The following RYR3 variants were observed in gnomAD, a reference collection of about 807,000 sequenced individuals.
RYR3 encodes ryanodine receptor 3, also known as brain ryanodine receptor-calcium release channel.
A neutral mutation model predicts 584.3 loss-of-function variants in RYR3; 207 were observed. The ratio of observed to expected loss-of-function variants is 0.35; its 90% CI spans 0.32 to 0.40. The LOEUF (loss-of-function observed/expected upper bound fraction) is 0.40. Among genes scored for constraint, RYR3 ranks in the 10% least tolerant of loss-of-function variants. The pLI, the probability that RYR3 is intolerant of heterozygous loss-of-function variation, is 1.00. For missense variants in RYR3, 5,616 were observed against 6,089.2 expected (o/e 0.92, Z 2.59); for synonymous variants, 2,416 against 2,248.5 (o/e 1.07, Z -2.11).
At chr15:33,490,804 A>G (rs2142500450) in intron 2 of RYR3, among the ~76,000 whole-genome samples, 1 of 151,110 alleles carries the variant, frequency 6.6e-6, no homozygotes, top group South Asian at 2.1e-4. Flanking sequence ...GAGAATTTTT[A>G]CAACCTTCTC....
Position 33,647,468 on chromosome 15 carries a change from A to C in RYR3, c.3978+8A>C. On this transcript the variant is annotated splice_region_variant and intron_variant, in intron 30 of 103. Coordinates refer to ENST00000634891, the MANE Select transcript of RYR3 (RefSeq NM_001036.6). ...CTCTCTCATACAACAACAGTAAGTAAATGTGCTCAATTATGGTTTTAATTA... is the reference window on the plus strand; with the variant it reads ...CTCTCTCATACAACAACAGTAAGTACATGTGCTCAATTATGGTTTTAATTA... The C allele has an allele frequency of 6.3e-7, 1 of 1,587,658 alleles. No homozygotes were observed. Among genetic ancestry groups the C allele is most frequent in the Admixed American group, 1.7e-5 (1 of 59,906 alleles).
intron 16 of RYR3, among the ~76,000 whole-genome samples, chr15:33,588,561 A>G (rs2058970266): frequency 6.6e-6 from 1 of 152,104 alleles, no homozygotes; most frequent in South Asian, 2.1e-4. Context: ...CCCCAACCCA[A>G]ATAATGTACA....
In RYR3 at chr15:33,619,677, T is replaced by A. The variant is rs2060618347; in HGVS notation, c.2358-4130T>A. On this transcript the variant is annotated intron_variant, in intron 19 of 103. Transcript: ENST00000634891. ...TTGAATATAAAATCAAAATTTGTAT[T>A]CAGTTTACAGCTTGAGCCCTTCCCC... is the stretch of plus-strand genomic sequence containing the variant. Among the ~76,000 whole-genome samples the A allele has an allele frequency of 2.6e-5, 4 of 152,226 alleles. No individual in the cohort carries two copies. In the South Asian group the frequency reaches 8.3e-4, roughly 32 times the overall value.
chr15:33,707,542 C>A (rs1461291123), intron 43 of RYR3, among the ~76,000 whole-genome samples: 1 of 152,172 alleles, frequency 6.6e-6, no homozygotes, highest in Non-Finnish European at 1.5e-5. Flanking sequence ...TGTCATAATA[C>A]AATCTACCTC....
chr15:33,738,596 G>C lies in RYR3; in HGVS notation c.7656+6G>C, dbSNP rs777172742. ...TTGACTCGCTCTCCCATAAGGTAATGACAGTACTTTCTGAACAAAAAGAGA... is the reference window on the plus strand; with the variant it reads ...TTGACTCGCTCTCCCATAAGGTAATCACAGTACTTTCTGAACAAAAAGAGA... On this transcript the variant is annotated splice_donor_region_variant and intron_variant, in intron 50 of 103. Transcript: ENST00000634891. 6.2e-7 allele frequency: 1 copy of C among 1,613,830 alleles called. No individual in the cohort carries two copies. The highest frequency in any genetic ancestry group is 1.1e-5 in the South Asian group (1 of 91,044).
chr15:33,338,715 T>C (rs1288355292), intron 1 of RYR3, among the ~76,000 whole-genome samples: 2 of 152,176 alleles, frequency 1.3e-5, no homozygotes, highest in African/African-American at 2.4e-5. Context: ...TAAATGCCTT[T>C]AGGGTCCCCA....
Position 33,662,934 on chromosome 15 carries a change from T to TC in RYR3, c.5406dup (p.Val1803ArgfsTer7). 1 of 1,612,162 alleles carries TC rather than the reference T, an allele frequency of 6.2e-7. No individual in the cohort carries two copies. Among genetic ancestry groups the TC allele is most frequent in the Non-Finnish European group, 8.5e-7 (1 of 1,179,190 alleles). ...CTTGTTGCAGACTCGATTACCCGAA[T>TC]CCGTCAAGCTGCAGGTAAGCTGCAG... On this transcript the variant is annotated frameshift_variant, in exon 35 of 104. Transcript: ENST00000634891. LOFTEE classifies it high-confidence loss of function.
At chr15:33,587,057 C>T (rs535482810) in intron 16 of RYR3, among the ~76,000 whole-genome samples, 27 of 151,962 alleles carry the variant, frequency 1.8e-4, no homozygotes, top group East Asian at 3.9e-4. Flanking sequence ...TCAGTGTGTC[C>T]GGGAGATTGA....
In RYR3 at chr15:33,412,744, C is replaced by T. The variant is rs957178795; in HGVS notation, c.52-60675C>T. Among the ~76,000 whole-genome samples the T allele has an allele frequency of 9.9e-5, 15 of 152,160 alleles. No individual in the cohort carries two copies. Among genetic ancestry groups the T allele is most frequent in the Admixed American group, 3.3e-4 (5 of 15,276 alleles). ...CTGCTGCATTTTCAGAACTGTCCTC[C>T]GGTTTGCCTGTTTCACACCCTCCCA... On this transcript the variant is annotated intron_variant, in intron 1 of 103. Coordinates refer to ENST00000634891, the MANE Select transcript of RYR3 (RefSeq NM_001036.6). This position sits in a 1 kb window ranked among gnomAD's most constrained non-coding sequence, Gnocchi z 4.3.
rs143054410 is a variant in RYR3, at chr15:33,534,875, A to G, written c.433+1486A>G. Among the ~76,000 whole-genome samples, 3 of 152,364 alleles carry G rather than the reference A, an allele frequency of 2.0e-5. No homozygotes were observed. The East Asian group carries it at 5.8e-4, about 29-fold the overall frequency. ...TCTGACCATCCGTCAAGGGCATTAC[A>G]TGTGGAATTTCTGCTCCATTTAGAG... On this transcript the variant is annotated intron_variant, in intron 5 of 103. Coordinates refer to ENST00000634891, the MANE Select transcript of RYR3 (RefSeq NM_001036.6).
At chr15:33,370,488 C>T (rs749231602) in intron 1 of RYR3, among the ~76,000 whole-genome samples, 3 of 152,180 alleles carry the variant, frequency 2.0e-5, no homozygotes, top group Non-Finnish European at 2.9e-5. Flanking sequence ...ACAGATAGGA[C>T]ACAGCTGGCC....
chr15:33,756,931 G>T (rs2071894365), intron 59 of RYR3, among the ~76,000 whole-genome samples: 1 of 152,104 alleles, frequency 6.6e-6, no homozygotes, highest in Non-Finnish European at 1.5e-5. Context: ...TCATCCAGCT[G>T]CAAGGGAGAC....
At chr15:33,816,402 AAAG>A (rs1403757228) in intron 74 of RYR3, among the ~76,000 whole-genome samples, 1 of 152,232 alleles carries the variant, frequency 6.6e-6, no homozygotes, top group Non-Finnish European at 1.5e-5. Flanking sequence ...TGGAGAATGA[AAAG>A]AAGCCACATT....
intron 32 of RYR3, 144 bp from the exon 33 acceptor site, chr15:33,659,576 C>G: frequency 3.1e-6 from 2 of 642,328 alleles, no homozygotes; most frequent in East Asian, 5.4e-5. Context: ...GATAACTGGT[C>G]TCTGCGAATT....
intron 16 of RYR3, among the ~76,000 whole-genome samples, chr15:33,590,922 T>A (rs891266614): frequency 2.0e-5 from 3 of 152,206 alleles, no homozygotes; most frequent in African/African-American, 4.8e-5. Context: ...ATTTAAGTTG[T>A]TAGCTTTGTC....
intron 94 of RYR3, among the ~76,000 whole-genome samples, 196 bp downstream of exon 94, chr15:33,848,617 C>T (rs2078877626): frequency 6.6e-6 from 1 of 152,142 alleles, no homozygotes; most frequent in African/African-American, 2.4e-5. Flanking sequence ...TTAATGGGGA[C>T]AGAAGATATT....
chr15:33,840,545 G>A (rs1336493382), intron 89 of RYR3: 16 of 454,704 alleles, frequency 3.5e-5, no homozygotes, highest in South Asian at 3.2e-4. Context: ...TAGAACCACC[G>A]CCTTGAGGCT....
chr15:33,741,594 T>C, intron 51 of RYR3, among the ~76,000 whole-genome samples: 1 of 148,278 alleles, frequency 6.7e-6, no homozygotes, highest in East Asian at 2.0e-4. Context: ...ACTGCCAAAA[T>C]TCTAGTTTTG....
At chr15:33,547,397 G>A (rs1004281784) in intron 8 of RYR3, among the ~76,000 whole-genome samples, 4 of 152,208 alleles carry the variant, frequency 2.6e-5, no homozygotes, top group Non-Finnish European at 5.9e-5. Context: ...AAAGTCTTGA[G>A]TTTAGCTAGT....
Sources: gnomAD v4.1 joint callset for allele counts (sites outside exome capture counted in the v4.1 genomes callset) on GRCh38, gnomAD v4.1.1 for gene constraint, Gnocchi (gnomAD v3.1) non-coding constraint, MANE v1.5 for transcripts, NCBI Gene and HGNC (gene_info 2026-07-23, HGNC 2026-07-21) for gene names.